PCDHA6: variants seen among roughly 807,000 people sequenced by gnomAD.
PCDHA6 encodes protocadherin alpha-6.
In PCDHA6, 55 loss-of-function variants were observed where a neutral mutation model predicts 60.3. The observed-to-expected ratio is 0.91, with a 90% confidence interval of 0.73 to 1.14. PCDHA6 has a LOEUF of 1.14. PCDHA6 is among the 50% of genes most tolerant of loss of function. The pLI, the probability that PCDHA6 is intolerant of heterozygous loss-of-function variation, is 0.00. For missense variants in PCDHA6, 1,327 were observed against 1,256.5 expected (o/e 1.06, Z -0.85); for synonymous variants, 652 against 557.9 (o/e 1.17, Z -2.38).
At chr5:140,990,429 C>A (rs2097393514) in intron 3 of PCDHA6, among the ~76,000 whole-genome samples, 1 of 152,144 alleles carries the variant, frequency 6.6e-6, no homozygotes, top group African/African-American at 2.4e-5. Context: ...CAGCATTGAC[C>A]CAATCTTGTG....
chr5:140,838,316 G>A (rs1775677807), intron 1 of PCDHA6, among the ~76,000 whole-genome samples: 1 of 146,606 alleles, frequency 6.8e-6, no homozygotes, highest in Non-Finnish European at 1.5e-5. Context: ...TAGAAACAGA[G>A]TTTCACCATG....
intron 2 of PCDHA6, 58 bp from the exon 3 acceptor site, chr5:140,982,417 G>T: frequency 1.2e-6 from 2 of 1,610,546 alleles, no homozygotes; most frequent in Non-Finnish European, 1.7e-6. Flanking sequence ...GAGGGTGGAA[G>T]AAGAGATGGG....
At chr5:140,871,122 G>A (rs782184692) in intron 1 of PCDHA6, 2 of 1,613,344 alleles carry the variant, frequency 1.2e-6, no homozygotes, top group South Asian at 2.2e-5. Flanking sequence ...AGAGCGGACA[G>A]GCGCCAAAGG....
At chr5:140,942,705 T>TA (rs1220612434) in intron 1 of PCDHA6, among the ~76,000 whole-genome samples, 1 of 152,100 alleles carries the variant, frequency 6.6e-6, no homozygotes, top group Non-Finnish European at 1.5e-5. Flanking sequence ...AAATATGAAG[T>TA]AAAAGTATGA....
intron 1 of PCDHA6, chr5:140,870,474 C>T (rs1554164302): frequency 6.2e-7 from 1 of 1,614,218 alleles, no homozygotes; most frequent in Non-Finnish European, 8.5e-7. Context: ...TCGCACAGCC[C>T]GAGTACACCG....
Position 140,848,364 on chromosome 5 carries a change from G to A in PCDHA6, c.2394+17879G>A, listed in dbSNP as rs2150409515. On this transcript the variant is annotated intron_variant, in intron 1 of 3. Transcript: ENST00000529310. ...AATACAGCCCTTTTCCCATGGGAAA[G>A]AGGCTCAATTCTTTTTCACTCTCTC... The A allele has an allele frequency of 1.5e-5, 16 of 1,077,594 alleles. 3 individuals carry two copies. In the Admixed American group the frequency reaches 2.3e-4, roughly 16 times the overall value. 66.8% of individuals were successfully genotyped at this position (1,077,594 alleles called of 1,614,324 possible). A position where few individuals can be genotyped will look rare whatever the true frequency, so the allele number is the denominator to read the frequency against.
chr5:140,886,689 G>T (rs1267444522), intron 1 of PCDHA6, among the ~76,000 whole-genome samples: 1 of 152,022 alleles, frequency 6.6e-6, no homozygotes, highest in Admixed American at 6.5e-5. Context: ...AGCGAGGCAT[G>T]GTGGCACGCG....
rs544401230 is a variant in PCDHA6 at position 140,855,171 on chromosome 5, C to A, written c.2394+24686C>A. On this transcript the variant is annotated intron_variant, in intron 1 of 3. Coordinates refer to ENST00000529310, the MANE Select transcript of PCDHA6 (RefSeq NM_018909.4). ...AATTTGGTATTGAGCCTCATGAAAA[C>A]AAATGTGGCCAAATTGAGGCCTGAG... Among the ~76,000 whole-genome samples the A allele has an allele frequency of 6.9e-4, 104 of 149,830 alleles. 7 individuals are homozygous for A. Among genetic ancestry groups the A allele is most frequent in the African/African-American group, 2.4e-3 (100 of 41,004 alleles).
rs370676797 is a variant in PCDHA6, at chr5:141,009,968, A to G, written c.*31A>G. On this transcript the variant is annotated 3_prime_UTR_variant, in exon 4 of 4. Transcript: ENST00000529310. ...TCAAATGGAAACAAGCCACTTAGCC[A>G]GTTTTTGTAATAATGGCAAATCTCT... 1.4e-5 allele frequency: 22 copies of G among 1,586,626 alleles called. No homozygotes were observed. The highest frequency in any genetic ancestry group is 1.6e-5 in the Non-Finnish European group (19 of 1,169,786).
chr5:140,882,668 C>T, intron 1 of PCDHA6: 1 of 1,614,138 alleles, frequency 6.2e-7, no homozygotes, highest in Non-Finnish European at 8.5e-7. Context: ...GCCCATATTC[C>T]CTGAAAGCAA....
rs782319322 is a variant in PCDHA6, at chr5:140,870,788, C to T, written c.2394+40303C>T. 6 of 1,613,518 alleles carry T rather than the reference C, an allele frequency of 3.7e-6. No individual in the cohort carries two copies. The Admixed American group carries it at 6.7e-5, about 18-fold the overall frequency. On this transcript the variant is annotated intron_variant, in intron 1 of 3. Coordinates refer to ENST00000529310, the MANE Select transcript of PCDHA6 (RefSeq NM_018909.4). Reference sequence around the variant, plus strand: ...GTGCTGGACGAGAACGACAACGCGCCGGCACTGCTGGCGACTCAGGCTGGC... The same window carrying T: ...GTGCTGGACGAGAACGACAACGCGCTGGCACTGCTGGCGACTCAGGCTGGC...
chr5:140,975,953 T>C (rs1554237158), intron 1 of PCDHA6, among the ~76,000 whole-genome samples: 1 of 152,084 alleles, frequency 6.6e-6, no homozygotes, highest in East Asian at 1.9e-4. Flanking sequence ...CATATTAGAG[T>C]TCTTCACCAA....
chr5:140,905,248 C>A (rs143714633), intron 1 of PCDHA6, among the ~76,000 whole-genome samples: 43 of 152,208 alleles, frequency 2.8e-4, no homozygotes, highest in African/African-American at 8.7e-4. Context: ...TTCATTCTTC[C>A]ACATGAGGCT....
intron 1 of PCDHA6, chr5:140,834,600 G>T: frequency 6.2e-7 from 1 of 1,614,148 alleles, no homozygotes; most frequent in Non-Finnish European, 8.5e-7. Context: ...ATTCCGTGGG[G>T]ATCTTCTGGA....
chr5:140,837,460 G>A (rs2150141340), intron 1 of PCDHA6, among the ~76,000 whole-genome samples: 1 of 151,718 alleles, frequency 6.6e-6, no homozygotes, highest in East Asian at 1.9e-4. Context: ...AAATCTCCTT[G>A]CCTCCTCAAA....
Position 140,988,326 on chromosome 5 carries a change from G to A in PCDHA6, c.2542+5763G>A, listed in dbSNP as rs144904425. 8.4e-3 allele frequency among the ~76,000 whole-genome samples: 1,281 copies of A among 152,296 alleles called. 12 individuals carry two copies. The highest frequency in any genetic ancestry group is 0.014 in the Non-Finnish European group (960 of 68,020). ...CAGCTTGGCTTGGCTTTCTCTACCC[G>A]AGGAAAGTAAGTCCTTTTAAGATGC... On this transcript the variant is annotated intron_variant, in intron 3 of 3. Coordinates refer to ENST00000529310, the MANE Select transcript of PCDHA6 (RefSeq NM_018909.4).
intron 1 of PCDHA6, chr5:140,836,815 A>AT (rs1774761727): frequency 8.3e-7 from 1 of 1,210,190 alleles, no homozygotes; most frequent in African/African-American, 1.5e-5. Context: ...TTCTTTCATA[A>AT]TTTCTTTTTT....
rs748166275 is a variant in PCDHA6 at position 140,954,138 on chromosome 5, T to C, written c.2395-24811T>C. Among the ~76,000 whole-genome samples the C allele has an allele frequency of 5.9e-4, 90 of 152,260 alleles. 1 individual carries two copies. The highest frequency in any genetic ancestry group is 6.5e-4 in the Admixed American group (10 of 15,282). On this transcript the variant is annotated intron_variant, in intron 1 of 3. Coordinates refer to ENST00000529310, the MANE Select transcript of PCDHA6 (RefSeq NM_018909.4). The stretch of plus-strand genomic sequence containing the variant: ...CTTGTTCCTTTTTATGGATGCATAG[T>C]ATTCCATGGTGTATATGTACCACAT...
At position 140,852,925 on chromosome 5, in the gene PCDHA6, C is replaced by G. The variant is rs2150525482; in HGVS notation, c.2394+22440C>G. 94 of 702,082 alleles carry G rather than the reference C, an allele frequency of 1.3e-4. 5 individuals are homozygous for G. The South Asian group carries it at 4.5e-3, about 34-fold the overall frequency. The allele number at this position is 702,082 out of a possible 1,614,324, so 43.5% of individuals were successfully genotyped here. On this transcript the variant is annotated intron_variant, in intron 1 of 3. Coordinates refer to ENST00000529310, the MANE Select transcript of PCDHA6 (RefSeq NM_018909.4). ...TCAGAGTCTCGCTCTGTTGCCCAGG[C>G]TGGAGTGCAGTGGTGCCATCTTGGC...
Sources: allele counts gnomAD v4.1 joint callset (sites outside exome capture counted in the v4.1 genomes callset), GRCh38; gene constraint gnomAD v4.1.1; transcripts MANE v1.5; gene names NCBI Gene and HGNC (gene_info 2026-07-23, HGNC 2026-07-21).